STXBP6: variants seen among roughly 807,000 people sequenced by gnomAD.
STXBP6 encodes the protein syntaxin binding protein 6, also known as syntaxin-binding protein 6.
Under a neutral mutation model 26.9 loss-of-function variants are expected in STXBP6, and 21 were observed. The ratio of observed to expected loss-of-function variants is 0.78; its 90% confidence interval spans 0.55 to 1.12. The LOEUF is 1.12. Ranked by LOEUF, STXBP6 falls within the 50% of genes most tolerant of loss-of-function variation. The pLI is 0.00. For synonymous variants in STXBP6, 97 were observed against 92.6 expected, an observed-to-expected ratio of 1.05 and a Z score of -0.27; for missense variants, 232 against 257.9, an observed-to-expected ratio of 0.90 and a Z score of 0.69.
intron 2 of STXBP6, among the ~76,000 whole-genome samples, chr14:24,954,772 C>A (rs1478574619): frequency 6.6e-6 from 1 of 152,208 alleles, no homozygotes; most frequent in Admixed American, 6.5e-5. Flanking sequence ...CCCCCCTTGG[C>A]TTTCACTGAC....
chr14:24,956,663 C>A (rs1036865726), intron 2 of STXBP6, among the ~76,000 whole-genome samples: 1 of 152,110 alleles, frequency 6.6e-6, no homozygotes, highest in Non-Finnish European at 1.5e-5. Context: ...TAAGAACTGA[C>A]AGCACGTCAG....
chr14:24,948,334 C>A (rs938350724), intron 2 of STXBP6, among the ~76,000 whole-genome samples: 1 of 120,670 alleles, frequency 8.3e-6, no homozygotes, highest in Admixed American at 7.9e-5. Context: ...ACTTTATGCT[C>A]TTTATGGACA....
intron 2 of STXBP6, among the ~76,000 whole-genome samples, chr14:24,927,970 G>C (rs949649539): frequency 6.6e-6 from 1 of 151,932 alleles, no homozygotes; most frequent in African/African-American, 2.4e-5. Flanking sequence ...ATCCAATGTT[G>C]TTATACCTCT....
intron 2 of STXBP6, among the ~76,000 whole-genome samples, chr14:24,943,636 A>C (rs183012751): frequency 2.8e-4 from 43 of 152,378 alleles, no homozygotes; most frequent in Admixed American, 2.5e-3. Flanking sequence ...TTGAAAACAT[A>C]ATTGCTATAA....
chr14:24,919,131 TG>T (rs2071883151), intron 2 of STXBP6, among the ~76,000 whole-genome samples: 1 of 152,086 alleles, frequency 6.6e-6, no homozygotes, highest in Middle Eastern at 3.2e-3. Flanking sequence ...CTGCCTAAGT[TG>T]TCTGCCTTTG....
At chr14:24,896,225 C>G (rs1020782450) in intron 2 of STXBP6, among the ~76,000 whole-genome samples, 1 of 152,074 alleles carries the variant, frequency 6.6e-6, no homozygotes. Flanking sequence ...GGCACTTAGC[C>G]ATTTTTGCAC....
chr14:24,877,183 A>T (rs1272090348), intron 2 of STXBP6, among the ~76,000 whole-genome samples: 1 of 152,208 alleles, frequency 6.6e-6, no homozygotes, highest in Non-Finnish European at 1.5e-5. Context: ...TCCAGAAGAC[A>T]TTGGCTGGAC....
At chr14:24,866,956 CT>C (rs978768362) in intron 2 of STXBP6, among the ~76,000 whole-genome samples, 4 of 151,964 alleles carry the variant, frequency 2.6e-5, no homozygotes, top group African/African-American at 9.7e-5. Context: ...GCAAAAACAA[CT>C]GTGGGAAAAA....
At chr14:24,838,302 T>C (rs1458542909) in intron 4 of STXBP6, among the ~76,000 whole-genome samples, 1 of 152,214 alleles carries the variant, frequency 6.6e-6, no homozygotes, top group Non-Finnish European at 1.5e-5. Context: ...TGTGTCACTA[T>C]GCCCAGCAAG....
chr14:24,858,429 A>G (rs902102973), intron 2 of STXBP6, among the ~76,000 whole-genome samples: 5 of 152,054 alleles, frequency 3.3e-5, no homozygotes, highest in Admixed American at 1.3e-4. Flanking sequence ...TTCCAACCAA[A>G]ATTTAGTGAA....
intron 1 of STXBP6, among the ~76,000 whole-genome samples, chr14:24,995,625 G>A (rs985813177): frequency 6.6e-6 from 1 of 151,944 alleles, no homozygotes. Flanking sequence ...AACAAAACTG[G>A]TAAAAATATT....
chr14:24,955,644 C>T (rs932839208), intron 2 of STXBP6, among the ~76,000 whole-genome samples: 3 of 151,960 alleles, frequency 2.0e-5, no homozygotes, highest in Non-Finnish European at 2.9e-5. Context: ...GAGTGGGTAC[C>T]GTGGTAAGGA....
intron 1 of STXBP6, among the ~76,000 whole-genome samples, chr14:24,991,403 C>A (rs909417816): frequency 1.3e-5 from 2 of 152,264 alleles, no homozygotes; most frequent in South Asian, 2.1e-4. Flanking sequence ...ATACAGTAGG[C>A]CTAACAGCTG....
intron 2 of STXBP6, among the ~76,000 whole-genome samples, chr14:24,946,945 T>C (rs2073012564): frequency 6.6e-6 from 1 of 152,034 alleles, no homozygotes; most frequent in Non-Finnish European, 1.5e-5. Context: ...TTTTTAGCAG[T>C]TGGATGACAA....
chr14:24,866,921 T>C (rs987709414), intron 2 of STXBP6, among the ~76,000 whole-genome samples: 3 of 151,942 alleles, frequency 2.0e-5, no homozygotes, highest in African/African-American at 7.2e-5. Flanking sequence ...TAAAAACTCA[T>C]ATGGAAGTTC....
At chr14:25,012,844 G>A (rs188455216) in intron 1 of STXBP6, among the ~76,000 whole-genome samples, 2 of 152,262 alleles carry the variant, frequency 1.3e-5, no homozygotes, top group Admixed American at 1.3e-4. Context: ...GAAACTCAAA[G>A]ACTATTAAGG....
At chr14:24,816,278 TG>T (rs3837605) in intron 5 of STXBP6, 25,094 of 152,250 alleles carry the variant, frequency 0.16, 2,569 homozygotes, top group South Asian at 0.28. Context: ...GTTCCATCTC[TG>T]AACTCTCCCC....
chr14:25,001,126 T>G (rs929097084), intron 1 of STXBP6, among the ~76,000 whole-genome samples: 26 of 152,192 alleles, frequency 1.7e-4, no homozygotes, highest in African/African-American at 6.3e-4. Flanking sequence ...GCTTTTTCTC[T>G]TGGAACAACA....
chr14:24,907,614 A>C (rs2071428619), intron 2 of STXBP6, among the ~76,000 whole-genome samples: 1 of 152,048 alleles, frequency 6.6e-6, no homozygotes. Flanking sequence ...GTGGCTGATT[A>C]CTCACAGATT....
Sources: gnomAD v4.1 joint callset for allele counts (sites outside exome capture counted in the v4.1 genomes callset) on GRCh38, gnomAD v4.1.1 for gene constraint, MANE v1.5 for transcripts, NCBI Gene and HGNC (gene_info 2026-07-23, HGNC 2026-07-21) for gene names.